Variants in GALNT18 observed in about 807,000 individuals in gnomAD.
The protein encoded by GALNT18 is polypeptide N-acetylgalactosaminyltransferase 18, also known as GalNAc-transferase 18.
Under a neutral mutation model 69.5 loss-of-function variants are expected in GALNT18, and 44 were observed. That is an observed-to-expected ratio of 0.63 (90% CI 0.50 to 0.81). The LOEUF (loss-of-function observed/expected upper bound fraction) is 0.81. Ranked by LOEUF, GALNT18 falls within the 40% of genes least tolerant of loss-of-function variation. The pLI, the probability that GALNT18 is intolerant of heterozygous loss-of-function variation, is 0.00. For synonymous variants in GALNT18, 364 were observed against 318.2 expected (o/e 1.14, Z -1.53); for missense variants, 715 against 810.0 (o/e 0.88, Z 1.42).
chr11:11,332,584 T>A lies in GALNT18; in HGVS notation c.1416+110A>T. 2 of 1,278,922 alleles carry A rather than the reference T, an allele frequency of 1.6e-6. No individual in the cohort carries two copies. The highest frequency in any genetic ancestry group is 2.2e-6 in the Non-Finnish European group (2 of 907,502). The allele number at this position is 1,278,922 out of a possible 1,614,324, so 79.2% of individuals were successfully genotyped here. Reference sequence around the variant, plus strand: ...CCCAGCGCCCGGTCCCCAGGCCTACTGCAGTTCTTCATGTGAGCAGCTGAG... The same window carrying A: ...CCCAGCGCCCGGTCCCCAGGCCTACAGCAGTTCTTCATGTGAGCAGCTGAG... On this transcript the variant is annotated intron_variant, in intron 8 of 10. Transcript: ENST00000227756. The surrounding 1 kb of genome is among the most constrained non-coding windows in gnomAD (Gnocchi z 4.3).
chr11:11,473,442 A>C (rs1433003102), intron 1 of GALNT18, among the ~76,000 whole-genome samples: 1 of 152,256 alleles, frequency 6.6e-6, no homozygotes, highest in Non-Finnish European at 1.5e-5. Context: ...AAGGTGTCTT[A>C]GTTATTCAAT....
intron 1 of GALNT18, among the ~76,000 whole-genome samples, chr11:11,452,598 C>T (rs939096907): frequency 6.6e-6 from 1 of 152,186 alleles, no homozygotes; most frequent in Non-Finnish European, 1.5e-5. Flanking sequence ...GACCTGGACT[C>T]CACTCCCGTC....
rs777346487 is a variant in GALNT18, at chr11:11,496,472, G to A, written c.236-47536C>T. Among the ~76,000 whole-genome samples, 8 of 152,118 alleles carry A rather than the reference G, an allele frequency of 5.3e-5. No individual in the cohort carries two copies. Among genetic ancestry groups the A allele is most frequent in the Non-Finnish European group, 1.0e-4 (7 of 68,020 alleles). ...GTACATTGCTATCAACTCCAATAAT[G>A]GGGCATGCTGGAAAAATAAAACAGA... On this transcript the variant is annotated intron_variant, in intron 1 of 10. Transcript: ENST00000227756. This position sits in a 1 kb window ranked among gnomAD's most constrained non-coding sequence, Gnocchi z 4.0.
In GALNT18 at chr11:11,340,915, G is replaced by A. The variant is rs944728907; in HGVS notation, c.1182C>T (p.Leu394=). 1.9e-5 allele frequency: 30 copies of A among 1,614,008 alleles called. No individual in the cohort carries two copies. The highest frequency in any genetic ancestry group is 2.5e-5 in the Non-Finnish European group (29 of 1,179,992). The change falls in exon 7 of 11, where the codon CTC becomes CTT. Residue 394 remains leucine (L), a synonymous_variant. Transcript: ENST00000227756. The surrounding 1 kb of genome is among the most constrained non-coding windows in gnomAD (Gnocchi z 4.2). The stretch of plus-strand genomic sequence containing the variant: ...GAGCGTTCCTGCGGACATGGGCGGT[G>A]AGGTCCTCTGTGTAGGGCTTGTGGG... ...ERAHKPYTED[L]TAHVRRNALR...
intron 6 of GALNT18, among the ~76,000 whole-genome samples, chr11:11,362,460 T>C (rs748883956): frequency 6.6e-6 from 1 of 152,130 alleles, no homozygotes; most frequent in Non-Finnish European, 1.5e-5. Context: ...AGTATTACCA[T>C]CTCTAATGTG....
At chr11:11,327,703 G>A (rs1849948679) in intron 8 of GALNT18, among the ~76,000 whole-genome samples, 1 of 152,230 alleles carries the variant, frequency 6.6e-6, no homozygotes, top group Non-Finnish European at 1.5e-5. Context: ...AATAAGAGAG[G>A]AGGGGGCCAG....
chr11:11,359,743 T>G (rs1341383287), intron 6 of GALNT18, among the ~76,000 whole-genome samples: 1 of 152,208 alleles, frequency 6.6e-6, no homozygotes, highest in Non-Finnish European at 1.5e-5. Context: ...AGTTAACCCT[T>G]GAAATTAACC....
At chr11:11,531,054 A>G (rs1857635779) in intron 1 of GALNT18, among the ~76,000 whole-genome samples, 1 of 152,136 alleles carries the variant, frequency 6.6e-6, no homozygotes, top group Non-Finnish European at 1.5e-5. Flanking sequence ...CCTGCCTGCA[A>G]TAGGCCTTTG....
intron 1 of GALNT18, among the ~76,000 whole-genome samples, chr11:11,577,452 CA>C (rs1439016043): frequency 6.6e-6 from 1 of 152,184 alleles, no homozygotes; most frequent in East Asian, 1.9e-4. Flanking sequence ...GCTGAGTCAC[CA>C]CTGTGTGCCA....
At chr11:11,420,257 T>A (rs1854971993) in intron 3 of GALNT18, among the ~76,000 whole-genome samples, 2 of 152,098 alleles carry the variant, frequency 1.3e-5, no homozygotes, top group Non-Finnish European at 2.9e-5. Flanking sequence ...TCAGACCCAG[T>A]CATTTGCACC....
intron 1 of GALNT18, among the ~76,000 whole-genome samples, chr11:11,483,501 G>A (rs1038313506): frequency 6.6e-6 from 1 of 152,218 alleles, no homozygotes; most frequent in East Asian, 1.9e-4. Flanking sequence ...ATTATTCTGA[G>A]GGTAAAGGCC....
chr11:11,448,136 AT>A (rs1855701529), intron 2 of GALNT18, among the ~76,000 whole-genome samples: 1 of 152,110 alleles, frequency 6.6e-6, no homozygotes, highest in Admixed American at 6.5e-5. Flanking sequence ...GACTCCAGAT[AT>A]AAGCTCACTG....
At position 11,444,741 on chromosome 11, in the gene GALNT18, A is replaced by C. The variant is rs1366661809; in HGVS notation, c.428+4003T>G. 6.6e-6 allele frequency among the ~76,000 whole-genome samples: 1 copy of C among 152,222 alleles called. No homozygotes were observed. The highest frequency in any genetic ancestry group is 2.4e-5 in the African/African-American group (1 of 41,464). ...TGAACACTCACTTTCTGATCTAGGA[A>C]TGAAGCCAAGAATAACATCAGGGTT... On this transcript the variant is annotated intron_variant, in intron 2 of 10. Transcript: ENST00000227756. The surrounding 1 kb of genome is among the most constrained non-coding windows in gnomAD (Gnocchi z 4.4).
At chr11:11,438,681 A>T (rs1855464777) in intron 2 of GALNT18, among the ~76,000 whole-genome samples, 1 of 152,188 alleles carries the variant, frequency 6.6e-6, no homozygotes, top group Non-Finnish European at 1.5e-5. Flanking sequence ...ATACCCACCC[A>T]GAAGTGCTGA....
At chr11:11,518,775 T>G (rs1564990381) in intron 1 of GALNT18, among the ~76,000 whole-genome samples, 2 of 152,228 alleles carry the variant, frequency 1.3e-5, no homozygotes, top group Admixed American at 6.5e-5. Flanking sequence ...AGCAAAGTGT[T>G]AGTCATAGAA....
chr11:11,324,922 A>T (rs977494953), intron 9 of GALNT18, among the ~76,000 whole-genome samples: 2 of 152,210 alleles, frequency 1.3e-5, no homozygotes, highest in African/African-American at 4.8e-5. Flanking sequence ...ATAAATTAGT[A>T]CAACCACTAT....
rs1057469132 is a variant in GALNT18 at position 11,512,537 on chromosome 11, G to C, written c.236-63601C>G. Among the ~76,000 whole-genome samples the C allele has an allele frequency of 3.9e-5, 6 of 152,238 alleles. No homozygotes were observed. In the South Asian group the frequency reaches 1.2e-3, roughly 32 times the overall value. On this transcript the variant is annotated intron_variant, in intron 1 of 10. Transcript: ENST00000227756. ...CTGACCCTTATTCTCACATATATGG[G>C]GACACACACAGGTACACACACATAG...
intron 1 of GALNT18, among the ~76,000 whole-genome samples, chr11:11,549,737 C>T (rs566313022): frequency 6.6e-6 from 1 of 152,360 alleles, no homozygotes; most frequent in Admixed American, 6.5e-5. Context: ...GTTCTAGCTA[C>T]AACCCTAGTG....
At chr11:11,455,598 C>G (rs977283130) in intron 1 of GALNT18, among the ~76,000 whole-genome samples, 1 of 152,302 alleles carries the variant, frequency 6.6e-6, no homozygotes, top group South Asian at 2.1e-4. Flanking sequence ...CTGTACAGAT[C>G]GGAAACCAAG....
Sources: gnomAD v4.1 joint callset for allele counts (sites outside exome capture counted in the v4.1 genomes callset) on GRCh38, gnomAD v4.1.1 for gene constraint, Gnocchi (gnomAD v3.1) non-coding constraint, MANE v1.5 for transcripts, NCBI Gene and HGNC (gene_info 2026-07-23, HGNC 2026-07-21) for gene names.